ARMH3: variants seen among roughly 807,000 people sequenced by gnomAD.
The protein encoded by ARMH3 is armadillo-like helical domain-containing protein 3.
Under a neutral mutation model 99.1 loss-of-function variants are expected in ARMH3, and 60 were observed. The observed-to-expected ratio is 0.61, with a 90% CI of 0.49 to 0.75. The LOEUF (loss-of-function observed/expected upper bound fraction) is 0.75, where lower values mean the gene tolerates loss of function less well. Among genes scored for constraint, ARMH3 ranks in the 30% least tolerant of loss-of-function variants. The pLI, the probability that ARMH3 is intolerant of heterozygous loss-of-function variation, is 0.00. For missense variants in ARMH3, 679 were observed against 843.1 expected, an observed-to-expected ratio of 0.81 and a Z score of 2.41; for synonymous variants, 285 against 292.8, an observed-to-expected ratio of 0.97 and a Z score of 0.27.
chr10:102,051,792 T>C (rs984160235), intron 1 of ARMH3, among the ~76,000 whole-genome samples: 1 of 152,170 alleles, frequency 6.6e-6, no homozygotes, highest in Non-Finnish European at 1.5e-5. Flanking sequence ...CAAAAGACAA[T>C]TTAATCTGGT....
At chr10:101,989,624 G>A (rs2135997558) in intron 19 of ARMH3, among the ~76,000 whole-genome samples, 3 of 152,316 alleles carry the variant, frequency 2.0e-5, no homozygotes, top group Middle Eastern at 6.8e-3. Context: ...GGGAGGCTGA[G>A]GCAGAAGAAT....
At chr10:102,036,351 G>T (rs532935151) in intron 2 of ARMH3, among the ~76,000 whole-genome samples, 1 of 152,074 alleles carries the variant, frequency 6.6e-6, no homozygotes, top group South Asian at 2.1e-4. Context: ...CCCTCTGCCC[G>T]GCCACCACCC....
In ARMH3 at chr10:101,944,259, TATATATATATATATAGAGAGAGAG is replaced by T. The variant is rs1474389115; in HGVS notation, c.1706-4345_1706-4322del. 1.4e-4 allele frequency among the ~76,000 whole-genome samples: 9 copies of T among 65,946 alleles called. No individual in the cohort carries two copies. The East Asian group carries it at 2.4e-3, about 17-fold the overall frequency. 43.3% of individuals were successfully genotyped at this position (65,946 alleles called of 152,430 possible). A position where few individuals can be genotyped will look rare whatever the true frequency, so the allele number is the denominator to read the frequency against. On this transcript the variant is annotated intron_variant, in intron 22 of 25. Transcript: ENST00000370033. ...GCTTGAGCCTATATATATATATATA[TATATATATATATATAGAGAGAGAG>T]AGAGAGAGAGAGAGAGAGAGAGAGA...
intron 1 of ARMH3, among the ~76,000 whole-genome samples, chr10:102,041,811 G>A (rs939168368): frequency 2.0e-5 from 3 of 152,028 alleles, no homozygotes; most frequent in African/African-American, 7.3e-5. Flanking sequence ...ACCATGCCTG[G>A]CTAATTTTTT....
At chr10:101,896,109 T>TA (rs1292328681) in intron 23 of ARMH3, among the ~76,000 whole-genome samples, 40 of 151,476 alleles carry the variant, frequency 2.6e-4, no homozygotes, top group Non-Finnish European at 5.9e-5. Flanking sequence ...CGTGTGCCGG[T>TA]AGTCCCAGCT....
At chr10:101,927,767 T>C (rs761673574) in intron 23 of ARMH3, among the ~76,000 whole-genome samples, 4 of 151,886 alleles carry the variant, frequency 2.6e-5, no homozygotes, top group Non-Finnish European at 4.4e-5. Flanking sequence ...ATCCTGTCAC[T>C]ACAAAAAGAA....
chr10:102,024,582 G>A (rs562742852), intron 6 of ARMH3, among the ~76,000 whole-genome samples: 23 of 151,980 alleles, frequency 1.5e-4, no homozygotes, highest in East Asian at 7.8e-4. Flanking sequence ...GAGTTCAAGC[G>A]GGTGGATCAC....
At chr10:102,009,814 T>C (rs115627416) in intron 12 of ARMH3, among the ~76,000 whole-genome samples, 163 bp downstream of exon 12, 366 of 152,320 alleles carry the variant, frequency 2.4e-3, no homozygotes, top group African/African-American at 8.6e-3. Context: ...AGCAGAAATT[T>C]CTAAGGGTCC....
chr10:102,000,231 T>A (rs11191175), intron 15 of ARMH3, among the ~76,000 whole-genome samples: 3,303 of 152,324 alleles, frequency 0.022, 52 homozygotes, highest in Middle Eastern at 0.044. Flanking sequence ...TTCTGTATAC[T>A]AGAATTTTTT....
At chr10:101,882,612 G>A (rs1042429127) in intron 24 of ARMH3, among the ~76,000 whole-genome samples, 1 of 152,168 alleles carries the variant, frequency 6.6e-6, no homozygotes, top group Admixed American at 6.5e-5. Flanking sequence ...CAATTCTCCT[G>A]CCTCAGCCTC....
At chr10:101,933,266 T>C (rs1045052453) in intron 23 of ARMH3, among the ~76,000 whole-genome samples, 1 of 152,158 alleles carries the variant, frequency 6.6e-6, no homozygotes, top group Non-Finnish European at 1.5e-5. Flanking sequence ...AGGGCAAACA[T>C]AGAAAAAGAC....
chr10:102,032,680 G>A (rs61873639), intron 4 of ARMH3, among the ~76,000 whole-genome samples: 7,445 of 152,144 alleles, frequency 0.049, 197 homozygotes, highest in Middle Eastern at 0.095. Context: ...GATTACAGGC[G>A]TGAACCACCG....
At chr10:102,017,097 T>C (rs2066766455) in intron 8 of ARMH3, among the ~76,000 whole-genome samples, 1 of 152,214 alleles carries the variant, frequency 6.6e-6, no homozygotes, top group Non-Finnish European at 1.5e-5. Context: ...CCATTGGTCA[T>C]GAGATTGATT....
rs1362448533 is a variant in ARMH3 at position 102,047,688 on chromosome 10, A to G, written c.-11-7563T>C. 3.9e-5 allele frequency among the ~76,000 whole-genome samples: 6 copies of G among 151,996 alleles called. 1 individual carries two copies. Among genetic ancestry groups the G allele is most frequent in the Non-Finnish European group, 1.5e-5 (1 of 67,996 alleles). On this transcript the variant is annotated intron_variant, in intron 1 of 25. Coordinates refer to ENST00000370033, the MANE Select transcript of ARMH3 (RefSeq NM_024541.3). Reference sequence around the variant, plus strand: ...TTTTTTGTAGAAACGAGATTTCGCCATGTTGCCCAGGCTGGTCTCAAAACT... The same window carrying G: ...TTTTTTGTAGAAACGAGATTTCGCCGTGTTGCCCAGGCTGGTCTCAAAACT...
intron 22 of ARMH3, among the ~76,000 whole-genome samples, chr10:101,944,597 T>C (rs1844434781): frequency 6.6e-6 from 1 of 152,026 alleles, no homozygotes; most frequent in Non-Finnish European, 1.5e-5. Context: ...GTGGATCACC[T>C]GAGGTCAGGA....
chr10:102,029,761 A>C lies in ARMH3; in HGVS notation c.307-16T>G, dbSNP rs1298204569. ...CGCACAGGGTCTGCAGAAATGAGAGAAAGAATTCTTTCTGGAGAGGAAGTC... is the reference window on the plus strand; with the variant it reads ...CGCACAGGGTCTGCAGAAATGAGAGCAAGAATTCTTTCTGGAGAGGAAGTC... On this transcript the variant is annotated splice_polypyrimidine_tract_variant and intron_variant, in intron 4 of 25. Coordinates refer to ENST00000370033, the MANE Select transcript of ARMH3 (RefSeq NM_024541.3). 6.2e-7 allele frequency: 1 copy of C among 1,605,132 alleles called. No individual in the cohort carries two copies. Among genetic ancestry groups the C allele is most frequent in the Non-Finnish European group, 8.5e-7 (1 of 1,173,112 alleles).
intron 11 of ARMH3, 79 bp from the exon 12 acceptor site, chr10:102,010,102 G>A: frequency 1.4e-6 from 2 of 1,395,488 alleles, no homozygotes; most frequent in Non-Finnish European, 2.0e-6. Context: ...CCTTTTATCA[G>A]TGAAGAAAAC....
At chr10:101,966,408 C>G (rs1845547008) in intron 20 of ARMH3, among the ~76,000 whole-genome samples, 1 of 148,634 alleles carries the variant, frequency 6.7e-6, no homozygotes, top group South Asian at 2.1e-4. Flanking sequence ...TCCCAAGTAG[C>G]TGGGATTACA....
chr10:101,904,710 T>A (rs1395208406), intron 23 of ARMH3, among the ~76,000 whole-genome samples: 2 of 151,632 alleles, frequency 1.3e-5, no homozygotes, highest in Non-Finnish European at 2.9e-5. Context: ...TCCCAGCACT[T>A]TGGGAGGCCG....
Sources: allele counts gnomAD v4.1 joint callset (sites outside exome capture counted in the v4.1 genomes callset), GRCh38; gene constraint gnomAD v4.1.1; transcripts MANE v1.5; gene names NCBI Gene and HGNC (gene_info 2026-07-23, HGNC 2026-07-21).